GIT1: variants seen among roughly 807,000 people sequenced by gnomAD.
The protein encoded by GIT1 is GIT ArfGAP 1.
In GIT1, 14 loss-of-function variants were observed where a neutral mutation model predicts 91.7. The observed-to-expected ratio is 0.15, with a 90% CI of 0.10 to 0.24. GIT1 has a LOEUF of 0.24. Ranked by LOEUF, GIT1 falls within the 10% of genes least tolerant of loss-of-function variation. The pLI is 1.00. For missense variants in GIT1, 717 were observed against 1,024.9 expected (o/e 0.70, Z 4.10); for synonymous variants, 414 against 418.2 (o/e 0.99, Z 0.12).
At position 29,574,464 on chromosome 17, in the gene GIT1, G is replaced by A. The variant is rs1050130055; in HGVS notation, c.*238C>T. 5.2e-5 allele frequency: 30 copies of A among 580,126 alleles called. No individual in the cohort carries two copies. Among genetic ancestry groups the A allele is most frequent in the Non-Finnish European group, 8.7e-5 (28 of 322,130 alleles). The allele number at this position is 580,126 out of a possible 1,614,324, so 35.9% of individuals were successfully genotyped here. ...CCCTGCTCACTAGGAGGGGGGAGAT[G>A]CTATATACAGAGGGGAGGTGCATGG... On this transcript the variant is annotated 3_prime_UTR_variant, in exon 20 of 20. Coordinates refer to ENST00000225394, the MANE Select transcript of GIT1 (RefSeq NM_014030.4).
At chr17:29,578,835 A>G in intron 7 of GIT1, 56 bp from the exon 8 acceptor site, 1 of 1,581,098 alleles carries the variant, frequency 6.3e-7, no homozygotes, top group Admixed American at 1.7e-5. Flanking sequence ...AGAGGTGGCC[A>G]GGCCCATGCC....
At chr17:29,587,440 G>T (rs1427202266) in intron 1 of GIT1, among the ~76,000 whole-genome samples, 1 of 152,150 alleles carries the variant, frequency 6.6e-6, no homozygotes, top group Non-Finnish European at 1.5e-5. Flanking sequence ...CCTCTATTGT[G>T]AATCAGGGGA....
intron 8 of GIT1, 32 bp downstream of exon 8, chr17:29,578,699 C>G (rs1324484612): frequency 3.1e-6 from 5 of 1,597,148 alleles, no homozygotes; most frequent in Non-Finnish European, 4.3e-6. Flanking sequence ...GGGCCAGCTT[C>G]AAGTGTCAGG....
At position 29,581,370 on chromosome 17, in the gene GIT1, A is replaced by C. The variant is rs1310862800; in HGVS notation, c.729T>G (p.Asn243Lys). Residue 243 changes from asparagine to lysine, a missense_variant, in exon 7 of 20, where the codon AAT becomes AAG. Coordinates refer to ENST00000225394, the MANE Select transcript of GIT1 (RefSeq NM_014030.4). The surrounding 1 kb of genome is among the most constrained non-coding windows in gnomAD (Gnocchi z 4.8). Reference sequence around the variant, plus strand: ...CCATCTGTGGGATGATGTAATGCCCATTCTTGTGATCTGAACAAAAATAAA... The same window carrying C: ...CCATCTGTGGGATGATGTAATGCCCCTTCTTGTGATCTGAACAAAAATAAA... Reference protein sequence around the residue: ...YLCGRKPDHKNGHYIIPQMAD... With the variant: ...YLCGRKPDHKKGHYIIPQMAD... 1 of 1,612,620 alleles carries C rather than the reference A, an allele frequency of 6.2e-7. No homozygotes were observed. Among genetic ancestry groups the C allele is most frequent in the African/African-American group, 1.3e-5 (1 of 74,902 alleles).
rs548683117 is a variant in GIT1, at chr17:29,584,868, G to T, written c.53-1252C>A. On this transcript the variant is annotated intron_variant, in intron 1 of 19. Coordinates refer to ENST00000225394, the MANE Select transcript of GIT1 (RefSeq NM_014030.4). ...GAAAATTGAGGAGACTCTGAGTCAG[G>T]GGCCCAGCCTGAGCTCTGCCCACAG... 2.6e-5 allele frequency among the ~76,000 whole-genome samples: 4 copies of T among 152,232 alleles called. No individual in the cohort carries two copies. In the South Asian group the frequency reaches 8.3e-4, roughly 32 times the overall value.
At chr17:29,580,360 C>CT (rs1173921463) in intron 7 of GIT1, among the ~76,000 whole-genome samples, 3 of 152,216 alleles carry the variant, frequency 2.0e-5, no homozygotes, top group Non-Finnish European at 2.9e-5. Context: ...GGTTTAGGAT[C>CT]TGAGTCGCCC....
chr17:29,582,088 G>A lies in GIT1; in HGVS notation c.462C>T (p.Ser154=). The part of the protein sequence containing the change: ...GNLETCLRLL[S]LGAQANFFHP... Reference sequence around the variant, plus strand: ...GGAAGAAGTTGGCCTGGGCACCCAGGGAGAGCAGGCGCAGACATGTCTCCA... The same window carrying A: ...GGAAGAAGTTGGCCTGGGCACCCAGAGAGAGCAGGCGCAGACATGTCTCCA... Residue 154 remains serine (S), a synonymous_variant, in exon 5 of 20, where the codon TCC becomes TCT. Coordinates refer to ENST00000225394, the MANE Select transcript of GIT1 (RefSeq NM_014030.4). 1 of 1,605,446 alleles carries A rather than the reference G, an allele frequency of 6.2e-7. No homozygotes were observed.
Position 29,575,019 on chromosome 17 carries a change from C to T in GIT1, c.2073+60G>A. ...ACCCAGGTAGCGATCAGATGGGATTCTCCACGCCTGCCCCAGCTCGAGGCC... is the reference window on the plus strand; with the variant it reads ...ACCCAGGTAGCGATCAGATGGGATTTTCCACGCCTGCCCCAGCTCGAGGCC... On this transcript the variant is annotated intron_variant, in intron 19 of 19. Transcript: ENST00000225394. The surrounding 1 kb of genome is among the most constrained non-coding windows in gnomAD (Gnocchi z 5.5). The T allele has an allele frequency of 6.7e-7, 1 of 1,490,238 alleles. No homozygotes were observed. 92.3% of individuals were successfully genotyped at this position (1,490,238 alleles called of 1,614,324 possible). A position where few individuals can be genotyped will look rare whatever the true frequency, so the allele number is the denominator to read the frequency against.
In GIT1 at chr17:29,574,038, A is replaced by T. The variant is rs1283921409; in HGVS notation, c.*664T>A. ...AACTCCAGATGGACCAGGCCTCCGG[A>T]ACGGCACTGCCGCCCACACACTCAA... On this transcript the variant is annotated 3_prime_UTR_variant, in exon 20 of 20. Coordinates refer to ENST00000225394, the MANE Select transcript of GIT1 (RefSeq NM_014030.4). 6.6e-6 allele frequency: 1 copy of T among 152,458 alleles called. No homozygotes were observed. Among genetic ancestry groups the T allele is most frequent in the East Asian group, 1.9e-4 (1 of 5,174 alleles). 9.4% of individuals were successfully genotyped at this position (152,458 alleles called of 1,614,324 possible). A position where few individuals can be genotyped will look rare whatever the true frequency, so the allele number is the denominator to read the frequency against.
Position 29,575,832 on chromosome 17 carries a change from G to T in GIT1, c.1732C>A (p.Gln578Lys). 6.2e-7 allele frequency: 1 copy of T among 1,612,854 alleles called. No homozygotes were observed. Among genetic ancestry groups the T allele is most frequent in the East Asian group, 2.2e-5 (1 of 44,852 alleles). ...TPSSPLLSCS[Q>K]EGSRHTSKLS... is the part of the protein sequence containing the mutation. ...ATTACCGTGTGGCGGCTTCCCTCCT[G>T]GGAGCAGGACAGCAGCGGGGAGGAG... Residue 578 changes from glutamine (Q) to lysine (K), a missense_variant, in exon 16 of 20, where the codon CAG becomes AAG. By Grantham distance (53) the Gln-to-Lys change is moderately conservative (BLOSUM62 1). Coordinates refer to ENST00000225394, the MANE Select transcript of GIT1 (RefSeq NM_014030.4). The surrounding 1 kb of genome is among the most constrained non-coding windows in gnomAD (Gnocchi z 5.5).
chr17:29,583,128 G>C, intron 2 of GIT1, 91 bp from the exon 3 acceptor site: 6 of 855,572 alleles, frequency 7.0e-6, no homozygotes, highest in Non-Finnish European at 1.2e-5. Context: ...GGCTGGCGTA[G>C]CTGGAAACGG....
At chr17:29,582,213 C>A (rs2033422878) in intron 4 of GIT1, 69 bp from the exon 5 acceptor site, 4 of 1,172,982 alleles carry the variant, frequency 3.4e-6, no homozygotes, top group South Asian at 1.4e-5. Flanking sequence ...ACAAGCTGCA[C>A]CCTGGCTGCC....
intron 1 of GIT1, among the ~76,000 whole-genome samples, chr17:29,584,434 T>C (rs1468487837): frequency 1.3e-5 from 2 of 152,114 alleles, no homozygotes; most frequent in African/African-American, 2.4e-5. Context: ...TTGGGAAAAG[T>C]GAACTTGGGA....
At chr17:29,583,666 C>T (rs1338149861) in intron 1 of GIT1, 50 bp from the exon 2 acceptor site, 10 of 1,532,658 alleles carry the variant, frequency 6.5e-6, no homozygotes, top group Non-Finnish European at 8.8e-6. Context: ...TGGGCCAGAC[C>T]TCCTGAGCAC....
intron 2 of GIT1, among the ~76,000 whole-genome samples, 183 bp from the exon 3 acceptor site, chr17:29,583,220 G>C (rs1229792940): frequency 1.3e-5 from 2 of 152,164 alleles, no homozygotes; most frequent in Non-Finnish European, 2.9e-5. Flanking sequence ...CCATGAGTGT[G>C]CCAAGGCTCA....
intron 1 of GIT1, among the ~76,000 whole-genome samples, chr17:29,585,993 G>A (rs2033583616): frequency 6.6e-6 from 1 of 152,168 alleles, no homozygotes; most frequent in East Asian, 1.9e-4. Flanking sequence ...GGCCTCCAGG[G>A]CCAGTAGGTT....
At position 29,582,683 on chromosome 17, in the gene GIT1, T is replaced by G; in HGVS notation, c.405+15A>C. On this transcript the variant is annotated intron_variant, in intron 4 of 19. Transcript: ENST00000225394. ...AGAGGAGGGGGCCACCCATCTGTTG[T>G]AGGGCCCCTCAAACCTTGCTGAGGT... is the stretch of plus-strand genomic sequence containing the variant. The G allele has an allele frequency of 1.9e-6, 3 of 1,540,494 alleles. No homozygotes were observed. Among genetic ancestry groups the G allele is most frequent in the Non-Finnish European group, 2.7e-6 (3 of 1,113,472 alleles).
rs147918419 is a variant in GIT1 at position 29,576,368 on chromosome 17, G to A, written c.1463C>T (p.Ala488Val). ...VPTPPLPSER[A>V]EHTPMAPGGS... is the part of the protein sequence containing the mutation. Reference sequence around the variant, plus strand: ...GCCTGGCGCCATGGGTGTGTGTTCCGCCCGTTCACTGGGGAGTGGAGGTGT... The same window carrying A: ...GCCTGGCGCCATGGGTGTGTGTTCCACCCGTTCACTGGGGAGTGGAGGTGT... The change falls in exon 14 of 20, where the codon GCG (alanine) becomes GTG (valine). Residue 488 changes from alanine to valine, a missense_variant. Transcript: ENST00000225394. The A allele has an allele frequency of 3.2e-5, 52 of 1,613,320 alleles. No individual in the cohort carries two copies. The highest frequency in any genetic ancestry group is 9.3e-5 in the African/African-American group (7 of 74,930).
intron 10 of GIT1, 88 bp downstream of exon 10, chr17:29,577,557 G>A: frequency 1.1e-6 from 1 of 876,542 alleles, no homozygotes; most frequent in Non-Finnish European, 1.9e-6. Context: ...ATGCTGGAGA[G>A]CTGGCTCAGG....
Sources: gnomAD v4.1 joint callset for allele counts (sites outside exome capture counted in the v4.1 genomes callset) on GRCh38, gnomAD v4.1.1 for gene constraint, Gnocchi (gnomAD v3.1) non-coding constraint, MANE v1.5 for transcripts, NCBI Gene and HGNC (gene_info 2026-07-23, HGNC 2026-07-21) for gene names.